Variants in LRP1B observed in about 807,000 individuals in gnomAD.
LRP1B encodes low-density lipoprotein receptor-related protein 1B.
Under a neutral mutation model 556.6 loss-of-function variants are expected in LRP1B, and 217 were observed. The observed-to-expected ratio is 0.39, with a 90% CI of 0.35 to 0.44. The LOEUF is 0.44. Ranked by LOEUF, LRP1B falls within the 20% of genes least tolerant of loss-of-function variation. The probability of loss-of-function intolerance (pLI) is 1.00; values close to 1 mark genes in which losing one functional copy is unlikely to be tolerated. For synonymous variants in LRP1B, 2,047 were observed against 1,865.8 expected, an observed-to-expected ratio of 1.10 and a Z score of -2.50; for missense variants, 5,053 against 5,620.8, an observed-to-expected ratio of 0.90 and a Z score of 3.23.
rs1399653108 is a variant in LRP1B at position 140,373,044 on chromosome 2, A to T, written c.10732T>A (p.Cys3578Ser). ...AKWKCDGHED[C>S]KYGEDEKSCE... is the part of the protein sequence containing the mutation. Reference sequence around the variant, plus strand: ...CTTTTCTCATCTTCCCCATATTTGCAGTCTTCATGGCCATCACATTTCCAT... The same window carrying T: ...CTTTTCTCATCTTCCCCATATTTGCTGTCTTCATGGCCATCACATTTCCAT... Residue 3578 changes from cysteine to serine, a missense_variant, in exon 69 of 91, where the codon TGC becomes AGC. Cys to Ser is a moderately radical substitution (Grantham distance 112). Transcript: ENST00000389484. The T allele has an allele frequency of 6.2e-7, 1 of 1,613,518 alleles. No homozygotes were observed.
At chr2:141,478,012 A>G (rs1484567868) in intron 3 of LRP1B, among the ~76,000 whole-genome samples, 2 of 152,172 alleles carry the variant, frequency 1.3e-5, no homozygotes, top group African/African-American at 4.8e-5. Flanking sequence ...AACTTGAAAC[A>G]CTTAAATAAC....
chr2:141,243,211 C>T (rs979914035), intron 5 of LRP1B, among the ~76,000 whole-genome samples: 10 of 150,498 alleles, frequency 6.6e-5, no homozygotes, highest in Non-Finnish European at 1.3e-4. Flanking sequence ...GTGTAGGTGT[C>T]GTGGCTCACA....
At chr2:141,086,491 T>C (rs1186231362) in intron 7 of LRP1B, among the ~76,000 whole-genome samples, 2 of 152,188 alleles carry the variant, frequency 1.3e-5, no homozygotes, top group African/African-American at 4.8e-5. Flanking sequence ...TTAGAGTTCC[T>C]GGACCTTTTA....
At chr2:140,960,669 T>C (rs960380004) in intron 18 of LRP1B, among the ~76,000 whole-genome samples, 12 of 151,980 alleles carry the variant, frequency 7.9e-5, no homozygotes, top group Non-Finnish European at 1.8e-4. Context: ...AGCTCACACA[T>C]GTTTACCAGT....
intron 47 of LRP1B, among the ~76,000 whole-genome samples, chr2:140,532,929 G>GATATATATATATATATATATATATATAT (rs539867412): frequency 4.6e-4 from 23 of 50,392 alleles, no homozygotes; most frequent in African/African-American, 1.3e-3. Flanking sequence ...CACAGCACAA[G>GATATATATATATATATATATATATATAT]ATATATATAT....
In LRP1B at chr2:140,756,202, A is replaced by G. The variant is rs1418360382; in HGVS notation, c.5758+13011T>C. On this transcript the variant is annotated intron_variant, in intron 35 of 90. Coordinates refer to ENST00000389484, the MANE Select transcript of LRP1B (RefSeq NM_018557.3). ...TTTTAAAAGACTCAAATAAATAGAA[A>G]GCTATCACATTGATATACTGGAAGA... Among the ~76,000 whole-genome samples the G allele has an allele frequency of 4.6e-5, 7 of 152,154 alleles. No individual in the cohort carries two copies. In the South Asian group the frequency reaches 1.5e-3, roughly 32 times the overall value.
intron 15 of LRP1B, among the ~76,000 whole-genome samples, chr2:141,000,344 G>A (rs898102815): frequency 8.6e-5 from 13 of 152,020 alleles, no homozygotes; most frequent in Non-Finnish European, 1.6e-4. Context: ...TTGATCAAAA[G>A]GTACGATGTA....
At chr2:141,197,987 T>G (rs1448453044) in intron 6 of LRP1B, among the ~76,000 whole-genome samples, 1 of 152,110 alleles carries the variant, frequency 6.6e-6, no homozygotes, top group Non-Finnish European at 1.5e-5. Context: ...TACTCAATTA[T>G]TGCCCCATAA....
At chr2:140,377,539 GCAT>G (rs1683289748) in intron 68 of LRP1B, among the ~76,000 whole-genome samples, 1 of 152,108 alleles carries the variant, frequency 6.6e-6, no homozygotes, top group Admixed American at 6.6e-5. Flanking sequence ...TATTTTTAAA[GCAT>G]CATGGAGTAA....
At position 140,514,842 on chromosome 2, in the gene LRP1B, G is replaced by A. The variant is rs115884610; in HGVS notation, c.8150-70C>T. On this transcript the variant is annotated intron_variant, in intron 50 of 90. Coordinates refer to ENST00000389484, the MANE Select transcript of LRP1B (RefSeq NM_018557.3). ...CTTACAACAGATCCGACAGTGAGAA[G>A]ATTCTTTCTTAGACTTTGCTAAAAT... The A allele has an allele frequency of 3.3e-3, 4,603 of 1,386,844 alleles. 130 individuals carry two copies. In the African/African-American group the frequency reaches 0.061, roughly 19 times the overall value. The allele number at this position is 1,386,844 out of a possible 1,614,324, so 85.9% of individuals were successfully genotyped here.
chr2:140,921,067 T>G (rs539195176), intron 21 of LRP1B, among the ~76,000 whole-genome samples: 19 of 152,136 alleles, frequency 1.2e-4, no homozygotes, highest in African/African-American at 4.6e-4. Context: ...ACTTAGAATA[T>G]TCTGTTAAAT....
intron 3 of LRP1B, among the ~76,000 whole-genome samples, chr2:141,339,471 G>T (rs1474836369): frequency 6.6e-6 from 1 of 152,128 alleles, no homozygotes; most frequent in Non-Finnish European, 1.5e-5. Flanking sequence ...TATGCTAGAT[G>T]TATGCCAGTC....
intron 35 of LRP1B, among the ~76,000 whole-genome samples, chr2:140,757,464 G>C (rs556523805): frequency 1.3e-5 from 2 of 152,148 alleles, no homozygotes; most frequent in African/African-American, 4.8e-5. Context: ...GGCAAAAAAA[G>C]CAATGAAGTA....
At chr2:141,017,775 G>C (rs558931282) in intron 12 of LRP1B, among the ~76,000 whole-genome samples, 1 of 151,628 alleles carries the variant, frequency 6.6e-6, no homozygotes, top group East Asian at 2.0e-4. Flanking sequence ...CAAGCGAATT[G>C]CTTGAGCCCA....
intron 1 of LRP1B, among the ~76,000 whole-genome samples, chr2:141,841,933 T>C (rs967795688): frequency 1.3e-4 from 20 of 152,178 alleles, no homozygotes; most frequent in African/African-American, 4.3e-4. Flanking sequence ...TAATATATGC[T>C]CATTTTTGAC....
At chr2:141,008,133 T>A (rs1525592) in intron 14 of LRP1B, among the ~76,000 whole-genome samples, 2 of 150,982 alleles carry the variant, frequency 1.3e-5, no homozygotes, top group African/African-American at 4.8e-5. Context: ...TTAAAACATG[T>A]TTAAGTAACT....
intron 59 of LRP1B, 122 bp from the exon 60 acceptor site, chr2:140,475,459 CT>C: frequency 1.6e-6 from 1 of 636,492 alleles, no homozygotes; most frequent in Non-Finnish European, 2.5e-6. Flanking sequence ...TGAATTGCAG[CT>C]TTTAAGAAAC....
At position 140,997,147 on chromosome 2, in the gene LRP1B, T is replaced by A. The variant is rs115287472; in HGVS notation, c.2504-3012A>T. ...AAATAATCCTATAATTTAACCAGGA[T>A]CAAAAGTAAAATAACATGAATCATG... On this transcript the variant is annotated intron_variant, in intron 15 of 90. Transcript: ENST00000389484. Among the ~76,000 whole-genome samples the A allele has an allele frequency of 2.0e-3, 305 of 152,000 alleles. 1 individual carries two copies. The highest frequency in any genetic ancestry group is 7.0e-3 in the African/African-American group (290 of 41,498).
At chr2:140,291,500 C>T (rs1683388459) in intron 84 of LRP1B, among the ~76,000 whole-genome samples, 2 of 151,276 alleles carry the variant, frequency 1.3e-5, no homozygotes, top group Admixed American at 6.6e-5. Flanking sequence ...GTGATGTTCC[C>T]CTTCCTGTGT....
Sources: allele counts gnomAD v4.1 joint callset (sites outside exome capture counted in the v4.1 genomes callset), GRCh38; gene constraint gnomAD v4.1.1; transcripts MANE v1.5; gene names NCBI Gene and HGNC (gene_info 2026-07-23, HGNC 2026-07-21).